The following DIAPH2 variants were observed in gnomAD, a reference collection of about 807,000 sequenced individuals.
DIAPH2 encodes diaphanous related formin 2.
Under a neutral mutation model 92.7 loss-of-function variants are expected in DIAPH2, and 35 were observed. That is an observed-to-expected ratio of 0.38 (90% CI 0.29 to 0.50). DIAPH2 has a LOEUF of 0.50. Ranked by LOEUF, DIAPH2 falls within the 20% of genes least tolerant of loss-of-function variation. The pLI is 0.94. For synonymous variants in DIAPH2, 301 were observed against 280.4 expected (o/e 1.07, Z -0.73); for missense variants, 701 against 819.5 (o/e 0.86, Z 1.77).
At chrX:97,365,487 C>T (rs1313897100) in intron 24 of DIAPH2, among the ~76,000 whole-genome samples, 2 of 110,761 alleles carry the variant, frequency 1.8e-5, no homozygotes, top group Non-Finnish European at 3.8e-5. Context: ...TCTCCCCAGC[C>T]ACTACCCTTT....
At chrX:97,390,053 A>G (rs911133257) in intron 25 of DIAPH2, among the ~76,000 whole-genome samples, 3 of 110,224 alleles carry the variant, frequency 2.7e-5, no homozygotes, top group Non-Finnish European at 5.7e-5. Flanking sequence ...GGGAACTATA[A>G]TCTTGTAACA....
chrX:96,972,984 A>G (rs751762560), intron 17 of DIAPH2, among the ~76,000 whole-genome samples: 1 of 111,387 alleles, frequency 9.0e-6, no homozygotes, highest in African/African-American at 3.3e-5. Flanking sequence ...CTAATTGTCT[A>G]CGGATAGTCA....
chrX:97,438,566 G>A (rs1032140967), intron 26 of DIAPH2, among the ~76,000 whole-genome samples: 3 of 107,680 alleles, frequency 2.8e-5, no homozygotes, highest in Non-Finnish European at 3.8e-5. Context: ...TTGTAGAGAT[G>A]GGGTTTTGTC....
intron 4 of DIAPH2, among the ~76,000 whole-genome samples, chrX:96,760,757 A>G (rs2064262746): frequency 9.0e-6 from 1 of 111,465 alleles, no homozygotes; most frequent in Non-Finnish European, 1.9e-5. Context: ...ACTATAAAGG[A>G]AACCATAAGA....
intron 23 of DIAPH2, among the ~76,000 whole-genome samples, chrX:97,290,607 T>C (rs1052813757): frequency 8.9e-6 from 1 of 112,571 alleles, no homozygotes; most frequent in African/African-American, 3.2e-5. Flanking sequence ...TGTGTGTGAC[T>C]GCACAGGACT....
intron 22 of DIAPH2, among the ~76,000 whole-genome samples, chrX:97,163,948 T>G (rs893623490): frequency 1.8e-5 from 2 of 112,308 alleles, no homozygotes; most frequent in African/African-American, 6.5e-5. Flanking sequence ...CCATTGTGTT[T>G]GGTAGAATAT....
chrX:97,221,703 A>C (rs2067926747), intron 22 of DIAPH2, among the ~76,000 whole-genome samples: 1 of 111,907 alleles, frequency 8.9e-6, no homozygotes, highest in South Asian at 3.7e-4. Context: ...GAAGTAGCTA[A>C]ACAATTTTTT....
chrX:97,034,740 ACTCT>A (rs1486493857), intron 17 of DIAPH2, among the ~76,000 whole-genome samples: 5 of 110,922 alleles, frequency 4.5e-5, no homozygotes, highest in African/African-American at 1.3e-4. Flanking sequence ...ACTACTGAAC[ACTCT>A]CTATTACTTA....
At chrX:97,562,583 C>A (rs1828923238) in intron 26 of DIAPH2, among the ~76,000 whole-genome samples, 2 of 111,049 alleles carry the variant, frequency 1.8e-5, no homozygotes, top group African/African-American at 6.6e-5. Flanking sequence ...AATTTCCTGG[C>A]TTGCATGAGG....
intron 22 of DIAPH2, among the ~76,000 whole-genome samples, chrX:97,180,786 G>T (rs1489776477): frequency 1.3e-4 from 14 of 111,349 alleles, no homozygotes; most frequent in Non-Finnish European, 2.3e-4. Flanking sequence ...GCTTGTTTTT[G>T]TCAGGTTTGT....
At chrX:97,543,921 GA>G (rs1322054793) in intron 26 of DIAPH2, among the ~76,000 whole-genome samples, 2 of 111,908 alleles carry the variant, frequency 1.8e-5, no homozygotes, top group Non-Finnish European at 3.8e-5. Context: ...ATAATAATGA[GA>G]AATATTTACA....
At chrX:97,041,904 G>A (rs966975657) in intron 17 of DIAPH2, among the ~76,000 whole-genome samples, 1 of 111,006 alleles carries the variant, frequency 9.0e-6, no homozygotes. Context: ...TACGTTTTTG[G>A]TAGGTTCTTA....
chrX:97,321,792 G>A (rs1338127533), intron 23 of DIAPH2, among the ~76,000 whole-genome samples: 4 of 110,216 alleles, frequency 3.6e-5, no homozygotes, highest in Admixed American at 9.8e-5. Context: ...CTCATGATCC[G>A]CCCGCCTCGG....
intron 26 of DIAPH2, among the ~76,000 whole-genome samples, chrX:97,553,107 T>C (rs1318350310): frequency 8.9e-6 from 1 of 112,367 alleles, no homozygotes; most frequent in Non-Finnish European, 1.9e-5. Flanking sequence ...GTTCAGCCCA[T>C]AATACTGCAT....
chrX:96,715,835 TA>T (rs1160302746), intron 1 of DIAPH2, among the ~76,000 whole-genome samples: 1 of 111,147 alleles, frequency 9.0e-6, no homozygotes, highest in African/African-American at 3.3e-5. Flanking sequence ...ATCATAGAAA[TA>T]TTTTCATAGA....
intron 22 of DIAPH2, among the ~76,000 whole-genome samples, chrX:97,142,359 A>C (rs1469596556): frequency 9.0e-6 from 1 of 111,530 alleles, no homozygotes; most frequent in Non-Finnish European, 1.9e-5. Context: ...TTTTACAGAC[A>C]TGGAAAAGAG....
At chrX:97,129,725 G>A (rs958894680) in intron 21 of DIAPH2, among the ~76,000 whole-genome samples, 1 of 110,872 alleles carries the variant, frequency 9.0e-6, no homozygotes, top group Non-Finnish European at 1.9e-5. Flanking sequence ...GCCCCTTCTA[G>A]TGTATACACT....
intron 22 of DIAPH2, among the ~76,000 whole-genome samples, chrX:97,247,086 G>T (rs962571888): frequency 6.3e-5 from 7 of 111,958 alleles, no homozygotes; most frequent in Admixed American, 4.8e-4. Flanking sequence ...TGCAGAGAAT[G>T]TTAGGGGTAA....
intron 1 of DIAPH2, 25 bp from the exon 2 acceptor site, chrX:96,735,729 TTTTG>T (rs770177672): frequency 8.5e-6 from 8 of 944,063 alleles, no homozygotes; most frequent in Non-Finnish European, 1.0e-5. Flanking sequence ...GATGGGTTTT[TTTTG>T]TTTGTTTCTT....
Sources: allele counts gnomAD v4.1 joint callset (sites outside exome capture counted in the v4.1 genomes callset), GRCh38; gene constraint gnomAD v4.1.1; transcripts MANE v1.5; gene names NCBI Gene and HGNC (gene_info 2026-07-23, HGNC 2026-07-21).